The following NTF3 variants were observed in gnomAD, a reference collection of about 807,000 sequenced individuals.
NTF3 encodes the protein neurotrophin 3.
Under a neutral mutation model 26.3 loss-of-function variants are expected in NTF3, and 8 were observed. The ratio of observed to expected loss-of-function variants is 0.30; its 90% CI spans 0.18 to 0.55. NTF3 has a LOEUF of 0.55. NTF3 is among the 20% of genes least tolerant of loss of function. NTF3 has a pLI of 0.93. For missense variants in NTF3, 276 were observed against 352.9 expected, an observed-to-expected ratio of 0.78 and a Z score of 1.75; for synonymous variants, 154 against 145.5, an observed-to-expected ratio of 1.06 and a Z score of -0.42.
rs375031971 is a variant in NTF3 at position 5,442,529 on chromosome 12, A to AC, written c.18+10188dup. ...CCTCAGGCCCCTAAGCTGTGCTTCT[A>AC]CTTCCTTTCTAATTATACAGCATGT... On this transcript the variant is annotated intron_variant, in intron 1 of 1. Transcript: ENST00000423158. Among the ~76,000 whole-genome samples the AC allele has an allele frequency of 3.3e-3, 502 of 152,122 alleles. 2 individuals are homozygous for AC. The highest frequency in any genetic ancestry group is 0.011 in the African/African-American group (472 of 41,464).
In NTF3 at chr12:5,456,847, A is replaced by G. The variant is rs1940458654; in HGVS notation, c.18+24505A>G. On this transcript the variant is annotated intron_variant, in intron 1 of 1. Coordinates refer to ENST00000423158, the MANE Select transcript of NTF3 (RefSeq NM_001102654.2). This position sits in a 1 kb window ranked among gnomAD's most constrained non-coding sequence, Gnocchi z 4.4. The stretch of plus-strand genomic sequence containing the variant: ...GGTCAAGTGATTTGGGCCCGAGTTG[A>G]CCCAGAGTCCCTAAATGACTGCTGT... Among the ~76,000 whole-genome samples the G allele has an allele frequency of 6.6e-6, 1 of 152,202 alleles. No individual in the cohort carries two copies. Among genetic ancestry groups the G allele is most frequent in the Non-Finnish European group, 1.5e-5 (1 of 68,028 alleles).
intron 1 of NTF3, among the ~76,000 whole-genome samples, chr12:5,435,823 T>G (rs1940161039): frequency 6.6e-6 from 1 of 151,120 alleles, no homozygotes; most frequent in Non-Finnish European, 1.5e-5. Context: ...GTTGGGGGGG[T>G]GGGTATGCAT....
rs758155930 is a variant in NTF3 at position 5,494,511 on chromosome 12, C to T, written c.336C>T (p.Tyr112=). The T allele has an allele frequency of 4.3e-6, 7 of 1,613,914 alleles. No individual in the cohort carries two copies. The African/African-American group carries it at 6.7e-5, about 15-fold the overall frequency. The part of the protein sequence containing the change: ...DTELLRQQRR[Y]NSPRVLLSDS... ...AACTGCTGCGACAACAGAGACGCTA[C>T]AACTCACCGCGGGTCCTGCTGAGCG... Residue 112 remains tyrosine, a synonymous_variant, in exon 2 of 2, where the codon TAC becomes TAT. Coordinates refer to ENST00000423158, the MANE Select transcript of NTF3 (RefSeq NM_001102654.2). This position sits in a 1 kb window ranked among gnomAD's most constrained non-coding sequence, Gnocchi z 8.3.
intron 1 of NTF3, among the ~76,000 whole-genome samples, chr12:5,442,544 A>G (rs1039140573): frequency 3.9e-5 from 6 of 152,046 alleles, no homozygotes; most frequent in African/African-American, 1.5e-4. Flanking sequence ...CTTTCTAATT[A>G]TACAGCATGT....
At position 5,432,152 on chromosome 12, in the gene NTF3, CG is replaced by C. The variant is rs1042824493; in HGVS notation, c.-172del. The C allele has an allele frequency of 1.2e-4, 91 of 738,598 alleles. No individual in the cohort carries two copies. The highest frequency in any genetic ancestry group is 2.1e-4 in the Non-Finnish European group (88 of 423,014). 45.8% of individuals were successfully genotyped at this position (738,598 alleles called of 1,614,324 possible). ...CTCCCTTCCGAACAGCTCCGCGCAC[CG>C]CCCCGCGACGCAGCCCGGCGCAACT... is the stretch of plus-strand genomic sequence containing the variant. On this transcript the variant is annotated 5_prime_UTR_variant, in exon 1 of 2. Coordinates refer to ENST00000423158, the MANE Select transcript of NTF3 (RefSeq NM_001102654.2).
intron 1 of NTF3, among the ~76,000 whole-genome samples, chr12:5,473,973 T>C (rs1940694500): frequency 6.6e-6 from 1 of 152,224 alleles, no homozygotes; most frequent in African/African-American, 2.4e-5. Flanking sequence ...TCACCCTAGT[T>C]GGTCTATTGC....
intron 1 of NTF3, among the ~76,000 whole-genome samples, chr12:5,477,684 G>A (rs1015265690): frequency 3.3e-5 from 5 of 152,126 alleles, no homozygotes; most frequent in Admixed American, 6.5e-5. Flanking sequence ...ATAATTATTC[G>A]TGAGCCTTCA....
intron 1 of NTF3, among the ~76,000 whole-genome samples, chr12:5,432,656 C>G (rs1416008881): frequency 6.6e-6 from 1 of 151,660 alleles, no homozygotes; most frequent in African/African-American, 2.4e-5. Flanking sequence ...CTCGGCTGCC[C>G]AAGAAGCTTC....
At chr12:5,455,533 AACACAC>A (rs60429736) in intron 1 of NTF3, among the ~76,000 whole-genome samples, 4,532 of 103,732 alleles carry the variant, frequency 0.044, 122 homozygotes, top group East Asian at 0.084. Flanking sequence ...ACCCCTCCCC[AACACAC>A]ACACACACAC....
chr12:5,430,683 C>A (rs1051725159), upstream of NTF3, among the ~76,000 whole-genome samples: 8 of 150,906 alleles, frequency 5.3e-5, no homozygotes, highest in African/African-American at 1.9e-4. Flanking sequence ...TAACCAAATT[C>A]TCAAGCAATT....
chr12:5,432,689 G>C (rs564061999), intron 1 of NTF3, among the ~76,000 whole-genome samples: 23 of 152,044 alleles, frequency 1.5e-4, no homozygotes, highest in African/African-American at 5.1e-4. Context: ...AAAGTGATCA[G>C]GTTTAAGGGA....
intron 1 of NTF3, among the ~76,000 whole-genome samples, chr12:5,449,181 C>T (rs955259019): frequency 7.9e-5 from 12 of 152,212 alleles, no homozygotes; most frequent in African/African-American, 2.9e-4. Flanking sequence ...AGGGATAGCA[C>T]AGACAGCACA....
chr12:5,485,918 A>C (rs1940861141), intron 1 of NTF3, among the ~76,000 whole-genome samples: 1 of 152,174 alleles, frequency 6.6e-6, no homozygotes, highest in South Asian at 2.1e-4. Flanking sequence ...AAAAGTACTC[A>C]AGAGCATGAT....
Position 5,433,592 on chromosome 12 carries a change from C to T in NTF3, c.18+1250C>T, listed in dbSNP as rs1940128781. ...ATTCGTCGTCTGCGCTTCAGATGCA[C>T]GGCACTGAGACCCTTGCGTCCGACG... On this transcript the variant is annotated intron_variant, in intron 1 of 1. Coordinates refer to ENST00000423158, the MANE Select transcript of NTF3 (RefSeq NM_001102654.2). The surrounding 1 kb of genome is among the most constrained non-coding windows in gnomAD (Gnocchi z 4.6). Among the ~76,000 whole-genome samples the T allele has an allele frequency of 6.6e-6, 1 of 151,088 alleles. No homozygotes were observed. Among genetic ancestry groups the T allele is most frequent in the Non-Finnish European group, 1.5e-5 (1 of 67,782 alleles).
chr12:5,457,192 C>T (rs545502340), intron 1 of NTF3, among the ~76,000 whole-genome samples: 9 of 152,276 alleles, frequency 5.9e-5, no homozygotes, highest in South Asian at 2.1e-4. Context: ...AGAAACTAAC[C>T]GAATCTTGTC....
intron 1 of NTF3, among the ~76,000 whole-genome samples, chr12:5,473,572 G>A (rs1002350773): frequency 3.3e-5 from 5 of 152,218 alleles, no homozygotes; most frequent in African/African-American, 1.2e-4. Flanking sequence ...CTGATAGTAT[G>A]TTAGAGCTGT....
upstream of NTF3, among the ~76,000 whole-genome samples, chr12:5,431,226 C>A (rs1221072189): frequency 6.6e-6 from 1 of 152,172 alleles, no homozygotes; most frequent in Non-Finnish European, 1.5e-5. Context: ...CTGCTTCTCG[C>A]GCTGTCCCCG....
At chr12:5,431,078 C>A (rs1940080480), upstream of NTF3, among the ~76,000 whole-genome samples, 2 of 152,094 alleles carry the variant, frequency 1.3e-5, no homozygotes. Context: ...TGAGGTCTAA[C>A]GGGCAGCTAA....
intron 1 of NTF3, among the ~76,000 whole-genome samples, chr12:5,462,159 C>T (rs1000824685): frequency 1.3e-5 from 2 of 151,832 alleles, no homozygotes; most frequent in Non-Finnish European, 2.9e-5. Flanking sequence ...CACTGTCATG[C>T]CTTTGCCTAC....
Sources: allele counts gnomAD v4.1 joint callset (sites outside exome capture counted in the v4.1 genomes callset), GRCh38; gene constraint gnomAD v4.1.1; non-coding constraint Gnocchi (gnomAD v3.1); transcripts MANE v1.5; gene names NCBI Gene and HGNC (gene_info 2026-07-23, HGNC 2026-07-21).